Variants in RPGR observed in about 807,000 individuals in gnomAD.
RPGR encodes the protein retinitis pigmentosa GTPase regulator.
RPGR carries 10 observed loss-of-function variants against 56.3 expected under a neutral mutation model. The observed-to-expected ratio is 0.18, with a 90% CI of 0.11 to 0.30. The LOEUF (loss-of-function observed/expected upper bound fraction) is 0.30. Ranked by LOEUF, RPGR falls within the 10% of genes least tolerant of loss-of-function variation. The pLI is 1.00. For synonymous variants in RPGR, 197 were observed against 212.9 expected (o/e 0.93, Z 0.65); for missense variants, 538 against 590.9 (o/e 0.91, Z 0.93).
At chrX:38,314,483 C>T (rs758487842) in intron 6 of RPGR, among the ~76,000 whole-genome samples, 13 of 111,172 alleles carry the variant, frequency 1.2e-4, no homozygotes, top group African/African-American at 4.3e-4. Flanking sequence ...CTGAAGATTG[C>T]TCCACAAATT....
At chrX:38,323,656 G>C (rs751654435) in intron 1 of RPGR, 132 bp from the exon 2 acceptor site, 40 of 652,582 alleles carry the variant, frequency 6.1e-5, no homozygotes, top group Non-Finnish European at 9.2e-5. Flanking sequence ...CAATGTTTAA[G>C]CCTTCCTTCT....
intron 1 of RPGR, 80 bp downstream of exon 1, chrX:38,327,260 A>AGGGCCGATCCGGAGGCGGGGCC (rs1490442517): frequency 1.9e-6 from 2 of 1,031,906 alleles, no homozygotes; most frequent in African/African-American, 3.8e-5. Context: ...GTCCCCCTAC[A>AGGGCCGATCCGGAGGCGGGGCC]GGGCCGATCC....
Position 38,281,751 on chromosome X carries a change from AACCACCACC to A in RPGR, c.1906-4988_1906-4980del, listed in dbSNP as rs887413624. 1.1e-3 allele frequency among the ~76,000 whole-genome samples: 119 copies of A among 111,459 alleles called. 1 individual carries two copies. Among genetic ancestry groups the A allele is most frequent in the African/African-American group, 3.7e-3 (114 of 30,649 alleles). ...ATAAGACTCAGAAAGGTCAAATAACAACCACCACCACCACCACCACCACAACTTTTCTAG... is the reference window on the plus strand; with the variant it reads ...ATAAGACTCAGAAAGGTCAAATAACAACCACCACCACCACAACTTTTCTAG... On this transcript the variant is annotated intron_variant, in intron 15 of 18. Coordinates refer to ENST00000642395, the MANE Select transcript of RPGR (RefSeq NM_000328.3).
At chrX:38,299,895 A>C (rs2067470708) in intron 9 of RPGR, among the ~76,000 whole-genome samples, 1 of 111,507 alleles carries the variant, frequency 9.0e-6, no homozygotes, top group African/African-American at 3.3e-5. Flanking sequence ...TAAGTCCTCA[A>C]TGAATGAGGT....
intron 3 of RPGR, 126 bp from the exon 4 acceptor site, chrX:38,321,215 T>C: frequency 3.6e-6 from 2 of 558,265 alleles, no homozygotes; most frequent in South Asian, 2.6e-5. Context: ...AAAGTCAATG[T>C]TCTTAACGAG....
intron 15 of RPGR, among the ~76,000 whole-genome samples, chrX:38,281,736 G>GAAAGGTCA (rs1245874317): frequency 2.7e-5 from 3 of 111,527 alleles, no homozygotes; most frequent in Non-Finnish European, 5.6e-5. Context: ...ATAAGACTCA[G>GAAAGGTCA]AAAGGTCAAA....
chrX:38,315,246 C>T (rs958235546), intron 6 of RPGR, among the ~76,000 whole-genome samples: 9 of 111,332 alleles, frequency 8.1e-5, no homozygotes, highest in Non-Finnish European at 1.5e-4. Flanking sequence ...GCAAGAGAAT[C>T]GCTTGAACCT....
intron 15 of RPGR, among the ~76,000 whole-genome samples, chrX:38,283,549 T>G (rs1478318197): frequency 1.8e-5 from 2 of 111,914 alleles, no homozygotes; most frequent in Non-Finnish European, 3.8e-5. Context: ...AAGAAGGGCT[T>G]TGGTCTCAAA....
Position 38,322,838 on chromosome X carries a change from A to G in RPGR, c.247+15T>C, listed in dbSNP as rs2067973553. The G allele has an allele frequency of 1.7e-6, 2 of 1,182,161 alleles. No homozygotes were observed. The highest frequency in any genetic ancestry group is 2.3e-6 in the Non-Finnish European group (2 of 868,340). On this transcript the variant is annotated intron_variant, in intron 3 of 18. Coordinates refer to ENST00000642395, the MANE Select transcript of RPGR (RefSeq NM_000328.3). ...TACTTTATACAGTTTGTGAAAAGAT[A>G]AAAAGATCCCAAACCTTTGACACAT...
intron 10 of RPGR, among the ~76,000 whole-genome samples, chrX:38,298,680 T>C (rs1313728684): frequency 1.8e-5 from 2 of 111,792 alleles, no homozygotes; most frequent in Non-Finnish European, 3.8e-5. Flanking sequence ...GGTGATAAAA[T>C]AGGACTATAA....
In RPGR at chrX:38,317,332, A is replaced by G. The variant is rs765580620; in HGVS notation, c.603T>C (p.His201=). ...GTGTCTTACTTGTTACAAAAGCTGA[A>G]TGGTAATATCCACAAGAGATCCAGG... The change falls in exon 6 of 19, where the codon CAT becomes CAC. Residue 201 remains histidine, a synonymous_variant. Transcript: ENST00000642395. 6 of 1,208,733 alleles carry G rather than the reference A, an allele frequency of 5.0e-6. No homozygotes were observed. In the African/African-American group the frequency reaches 1.0e-4, roughly 21 times the overall value.
chrX:38,314,154 C>T (rs1177327159), intron 6 of RPGR, among the ~76,000 whole-genome samples: 3 of 111,503 alleles, frequency 2.7e-5, no homozygotes, highest in African/African-American at 6.5e-5. Flanking sequence ...GCGGGTTGGA[C>T]GAGCTTGCTG....
At position 38,287,377 on chromosome X, in the gene RPGR, T is replaced by A. The variant is rs767185969; in HGVS notation, c.1754-132A>T. The A allele has an allele frequency of 7.0e-6, 7 of 997,285 alleles. No homozygotes were observed. The African/African-American group carries it at 1.3e-4, about 19-fold the overall frequency. 82.2% of individuals were successfully genotyped at this position (997,285 alleles called of 1,213,427 possible). Reference sequence around the variant, plus strand: ...GTTTTGGTCAGTTTCCACTTCATCATCCTCTTTCTCTCCACTACTAAATTC... The same window carrying A: ...GTTTTGGTCAGTTTCCACTTCATCAACCTCTTTCTCTCCACTACTAAATTC... On this transcript the variant is annotated intron_variant, in intron 14 of 18. Coordinates refer to ENST00000642395, the MANE Select transcript of RPGR (RefSeq NM_000328.3).
intron 15 of RPGR, among the ~76,000 whole-genome samples, chrX:38,280,281 G>A (rs948881390): frequency 4.5e-5 from 5 of 111,627 alleles, no homozygotes; most frequent in East Asian, 2.8e-4. Flanking sequence ...GAGGACTGTC[G>A]AAAAACAGTA....
At position 38,285,617 on chromosome X, in the gene RPGR, G is replaced by A; in HGVS notation, c.1905+1477C>T. ...CCTGATGGCCCGTTTTTTAAAAGTC[G>A]TTTTGACTGGACTGGCATTTTGGAC... is the stretch of plus-strand genomic sequence containing the variant. On this transcript the variant is annotated intron_variant, in intron 15 of 18. Coordinates refer to ENST00000642395, the MANE Select transcript of RPGR (RefSeq NM_000328.3). 1 of 1,210,944 alleles carries A rather than the reference G, an allele frequency of 8.3e-7. No individual in the cohort carries two copies. Among genetic ancestry groups the A allele is most frequent in the Non-Finnish European group, 1.1e-6 (1 of 895,288 alleles).
chrX:38,309,744 C>T (rs2067676072), intron 7 of RPGR, among the ~76,000 whole-genome samples: 1 of 111,287 alleles, frequency 9.0e-6, no homozygotes, highest in Non-Finnish European at 1.9e-5. Context: ...AGGAGAATCG[C>T]TTGAACTCAG....
At chrX:38,273,672 C>A in intron 17 of RPGR, 2 of 342,959 alleles carry the variant, frequency 5.8e-6, no homozygotes, top group East Asian at 4.3e-5. Context: ...AATGACCTCA[C>A]CAAAGTTGTA....
At chrX:38,285,431 C>T (rs2067109345) in intron 15 of RPGR, 5 of 1,149,899 alleles carry the variant, frequency 4.3e-6, no homozygotes, top group African/African-American at 1.8e-5. Flanking sequence ...TTTTACTACA[C>T]ATAAAATAAT....
Position 38,273,367 on chromosome X carries a change from GAC to G in RPGR, c.2241+17_2241+18del, listed in dbSNP as rs777027580. 36 of 1,130,459 alleles carry G rather than the reference GAC, an allele frequency of 3.2e-5. No homozygotes were observed. In the East Asian group the frequency reaches 1.0e-3, roughly 33 times the overall value. 93.2% of individuals were successfully genotyped at this position (1,130,459 alleles called of 1,213,427 possible). ...AATTGAATTCAAAAGGATCAAAAAA[GAC>G]AATTCATTTCACTTACCTTCTTTGT... On this transcript the variant is annotated intron_variant, in intron 18 of 18. Transcript: ENST00000642395.
Sources: allele counts gnomAD v4.1 joint callset (sites outside exome capture counted in the v4.1 genomes callset), GRCh38; gene constraint gnomAD v4.1.1; transcripts MANE v1.5; gene names NCBI Gene and HGNC (gene_info 2026-07-23, HGNC 2026-07-21).